PPP2R3C: variants seen among roughly 807,000 people sequenced by gnomAD.
PPP2R3C encodes the protein serine/threonine-protein phosphatase 2A regulatory subunit B'' subunit gamma.
PPP2R3C carries 47 observed loss-of-function variants against 63.7 expected under a neutral mutation model. The observed-to-expected ratio is 0.74, with a 90% CI of 0.58 to 0.94. PPP2R3C has a LOEUF of 0.94. Ranked by LOEUF, PPP2R3C falls within the 40% of genes least tolerant of loss-of-function variation. PPP2R3C has a pLI of 0.00. For missense variants in PPP2R3C, 421 were observed against 518.4 expected, an observed-to-expected ratio of 0.81 and a Z score of 1.82; for synonymous variants, 180 against 177.4, an observed-to-expected ratio of 1.01 and a Z score of -0.12.
intron 1 of PPP2R3C, among the ~76,000 whole-genome samples, chr14:35,117,506 C>G (rs2046743515): frequency 6.6e-6 from 1 of 152,214 alleles, no homozygotes; most frequent in South Asian, 2.1e-4. Context: ...AATATACTCT[C>G]AGATCATCCT....
In PPP2R3C at chr14:35,089,856, T is replaced by A. The variant is rs35507318; in HGVS notation, c.1113+1214A>T. ...GATTTTTTTGCATTTTTAGTAGAGATGGGTTTCACCATGTTAGTGAGGATG... is the reference window on the plus strand; with the variant it reads ...GATTTTTTTGCATTTTTAGTAGAGAAGGGTTTCACCATGTTAGTGAGGATG... On this transcript the variant is annotated intron_variant, in intron 11 of 12. Transcript: ENST00000261475. 8.6e-4 allele frequency among the ~76,000 whole-genome samples: 130 copies of A among 151,558 alleles called. 4 individuals carry two copies. The East Asian group carries it at 0.023, about 27-fold the overall frequency.
intron 1 of PPP2R3C, among the ~76,000 whole-genome samples, chr14:35,118,750 T>C (rs1238633397): frequency 6.7e-6 from 1 of 149,296 alleles, no homozygotes; most frequent in Non-Finnish European, 1.5e-5. Flanking sequence ...ACCTCCTGGG[T>C]TGAAGTGATT....
At chr14:35,113,980 A>T (rs1170786317) in intron 2 of PPP2R3C, among the ~76,000 whole-genome samples, 1 of 152,154 alleles carries the variant, frequency 6.6e-6, no homozygotes, top group Non-Finnish European at 1.5e-5. Context: ...ATGTTCGATA[A>T]CAGTAACATA....
chr14:35,105,665 G>T (rs1027966279), intron 6 of PPP2R3C, among the ~76,000 whole-genome samples: 3 of 151,924 alleles, frequency 2.0e-5, no homozygotes, highest in Non-Finnish European at 4.4e-5. Context: ...CAACACCACC[G>T]AGGTCTATGG....
chr14:35,115,166 TC>T (rs1042718659), intron 2 of PPP2R3C, among the ~76,000 whole-genome samples: 1 of 150,244 alleles, frequency 6.7e-6, no homozygotes, highest in Non-Finnish European at 1.5e-5. Flanking sequence ...TTTTTCTTTT[TC>T]TTTTTTTTTT....
At chr14:35,119,338 C>A (rs1421779385) in intron 1 of PPP2R3C, among the ~76,000 whole-genome samples, 1 of 132,532 alleles carries the variant, frequency 7.5e-6, no homozygotes, top group African/African-American at 2.8e-5. Context: ...GTGCCCAGCC[C>A]AAATGAATTT....
chr14:35,110,656 T>C (rs939727091), intron 2 of PPP2R3C, 27 bp from the exon 3 acceptor site: 9 of 1,525,504 alleles, frequency 5.9e-6, no homozygotes, highest in Admixed American at 1.7e-5. Context: ...AATTTCTACA[T>C]GTAAATTTTA....
intron 10 of PPP2R3C, 139 bp from the exon 11 acceptor site, chr14:35,091,346 TTTA>T: frequency 1.3e-6 from 1 of 772,950 alleles, no homozygotes; most frequent in Non-Finnish European, 1.9e-6. Flanking sequence ...GAGAAATCCA[TTTA>T]TATACTTAAT....
rs146678865 is a variant in PPP2R3C, at chr14:35,116,623, C to T, written c.173G>A (p.Arg58Gln). Reference protein sequence around the residue: ...NTNEFYKTIPRFYYRLPAEDE... With the variant: ...NTNEFYKTIPQFYYRLPAEDE... ...GACACTACTTACCCTATAATAAAACCGGGGAATGGTCTTATAGAATTCATT... is the reference window on the plus strand; with the variant it reads ...GACACTACTTACCCTATAATAAAACTGGGGAATGGTCTTATAGAATTCATT... The change falls in exon 2 of 13, where the codon CGG (arginine) becomes CAG (glutamine). Residue 58 changes from arginine (R) to glutamine (Q), a missense_variant. By Grantham distance (43) the Arg-to-Gln change is conservative. This residue lies in a region of PPP2R3C where 143 missense variants were observed against 151.2 expected (regional missense o/e 0.95). Coordinates refer to ENST00000261475, the MANE Select transcript of PPP2R3C (RefSeq NM_017917.4). 9.4e-4 allele frequency: 1,498 copies of T among 1,589,496 alleles called. 2 individuals are homozygous for T. Among genetic ancestry groups the T allele is most frequent in the African/African-American group, 1.5e-3 (110 of 73,690 alleles).
At chr14:35,111,423 G>A (rs2138699340) in intron 2 of PPP2R3C, among the ~76,000 whole-genome samples, 1 of 152,238 alleles carries the variant, frequency 6.6e-6, no homozygotes, top group South Asian at 2.1e-4. Context: ...TCCTGGGCAT[G>A]GGCCAAGATA....
chr14:35,103,425 C>A (rs747631064), intron 6 of PPP2R3C, among the ~76,000 whole-genome samples: 8 of 152,198 alleles, frequency 5.3e-5, no homozygotes, highest in Non-Finnish European at 7.3e-5. Flanking sequence ...CAAAAAGATG[C>A]TCCTTCCAGC....
At chr14:35,121,379 T>C (rs2046884543) in intron 1 of PPP2R3C, among the ~76,000 whole-genome samples, 1 of 151,400 alleles carries the variant, frequency 6.6e-6, no homozygotes. Context: ...AGAGACTCCG[T>C]CTCAAAAAAA....
At chr14:35,107,232 C>T (rs374144797) in intron 6 of PPP2R3C, 72 bp downstream of exon 6, 21 of 1,144,214 alleles carry the variant, frequency 1.8e-5, no homozygotes, top group Non-Finnish European at 2.7e-5. Context: ...AATCCCAACA[C>T]CCAGTGATAA....
intron 2 of PPP2R3C, among the ~76,000 whole-genome samples, chr14:35,111,163 A>G (rs1333690696): frequency 6.9e-6 from 1 of 144,412 alleles, no homozygotes; most frequent in Non-Finnish European, 1.5e-5. Context: ...TAAACCCAGG[A>G]GGCGGAGGTT....
chr14:35,110,411 T>C (rs754084156), intron 3 of PPP2R3C, 114 bp downstream of exon 3: 239 of 663,420 alleles, frequency 3.6e-4, no homozygotes, highest in Middle Eastern at 1.3e-3. Flanking sequence ...TCAGAGCCTA[T>C]GTAGTACCAC....
Position 35,117,269 on chromosome 14 carries a change from C to T in PPP2R3C, c.59-532G>A, listed in dbSNP as rs143278215. ...CCCTGCAACTCGCCTGCTATTGGCA[C>T]GTGGCTGTCTCATTCAGCCAATTCC... On this transcript the variant is annotated intron_variant, in intron 1 of 12. Transcript: ENST00000261475. 40 of 422,574 alleles carry T rather than the reference C, an allele frequency of 9.5e-5. No homozygotes were observed. The East Asian group carries it at 2.6e-3, about 28-fold the overall frequency. 26.2% of individuals were successfully genotyped at this position (422,574 alleles called of 1,614,324 possible).
At position 35,109,817 on chromosome 14, in the gene PPP2R3C, A is replaced by T. The variant is rs762858286; in HGVS notation, c.404+2T>A. On this transcript the variant is annotated splice_donor_variant, in intron 4 of 12. Transcript: ENST00000261475. LOFTEE classifies it high-confidence loss of function. ...TTCTTTTGTTAATTATATTATTCTT[A>T]CTTGCACTTTGCTCCAGCCTTTTCA... The T allele has an allele frequency of 6.4e-7, 1 of 1,551,564 alleles. No homozygotes were observed. The highest frequency in any genetic ancestry group is 8.9e-7 in the Non-Finnish European group (1 of 1,125,664).
intron 9 of PPP2R3C, among the ~76,000 whole-genome samples, chr14:35,096,285 T>TC (rs1360968592): frequency 3.9e-5 from 6 of 152,076 alleles, no homozygotes; most frequent in African/African-American, 1.4e-4. Context: ...GCCTAGGACT[T>TC]CAAGGCTGCA....
At chr14:35,097,833 G>C (rs2046048195) in intron 7 of PPP2R3C, among the ~76,000 whole-genome samples, 1 of 151,752 alleles carries the variant, frequency 6.6e-6, no homozygotes, top group African/African-American at 2.4e-5. Context: ...GGCTGGTCTT[G>C]AACTCCTAGG....
Sources: allele counts gnomAD v4.1 joint callset (sites outside exome capture counted in the v4.1 genomes callset), GRCh38; gene constraint gnomAD v4.1.1; regional missense constraint gnomAD v4.1.1; transcripts MANE v1.5; gene names NCBI Gene and HGNC (gene_info 2026-07-23, HGNC 2026-07-21).